Variants in NKIRAS1 observed in about 807,000 individuals in gnomAD.
The protein encoded by NKIRAS1 is NFKB inhibitor interacting Ras like 1.
A neutral mutation model predicts 19.8 loss-of-function variants in NKIRAS1; 16 were observed. The ratio of observed to expected loss-of-function variants is 0.81; its 90% CI spans 0.55 to 1.23. The LOEUF (loss-of-function observed/expected upper bound fraction) is 1.23, where lower values mean the gene tolerates loss of function less well. Ranked by LOEUF, NKIRAS1 falls within the 50% of genes most tolerant of loss-of-function variation. The pLI is 0.00. For missense variants in NKIRAS1, 184 were observed against 220.0 expected, an observed-to-expected ratio of 0.84 and a Z score of 1.04; for synonymous variants, 88 against 79.0, an observed-to-expected ratio of 1.11 and a Z score of -0.61.
chr3:23,930,891 A>C (rs886126834), intron 1 of NKIRAS1, among the ~76,000 whole-genome samples: 48 of 133,652 alleles, frequency 3.6e-4, no homozygotes, highest in African/African-American at 1.4e-3. Context: ...TTTTTTGTAG[A>C]GACAGAATTT....
At chr3:23,945,947 C>G (rs1415135534) in intron 1 of NKIRAS1, among the ~76,000 whole-genome samples, 1 of 149,926 alleles carries the variant, frequency 6.7e-6, no homozygotes, top group East Asian at 2.0e-4. Context: ...GGCGCTGAGG[C>G]GGCGGCGGCG....
upstream of NKIRAS1, chr3:23,919,720 G>A: frequency 7.3e-7 from 1 of 1,360,802 alleles, no homozygotes; most frequent in East Asian, 2.8e-5. Flanking sequence ...ATCTTATTAG[G>A]GAGTTGTATG....
At chr3:23,903,444 A>T (rs1702713887) in intron 3 of NKIRAS1, among the ~76,000 whole-genome samples, 1 of 152,116 alleles carries the variant, frequency 6.6e-6, no homozygotes, top group Non-Finnish European at 1.5e-5. Flanking sequence ...ATGAACAGAT[A>T]ACCAAGGTTT....
intron 1 of NKIRAS1, among the ~76,000 whole-genome samples, chr3:23,937,860 C>T (rs1347253547): frequency 6.6e-6 from 1 of 152,046 alleles, no homozygotes; most frequent in African/African-American, 2.4e-5. Context: ...TTTATATATA[C>T]ATTATCGTGT....
chr3:23,919,327 C>T (rs768075641), upstream of NKIRAS1: 30 of 1,603,228 alleles, frequency 1.9e-5, no homozygotes, highest in Non-Finnish European at 2.5e-5. Flanking sequence ...GAAATCCTGA[C>T]ACCCAGTGGA....
chr3:23,941,989 T>C, intron 1 of NKIRAS1, among the ~76,000 whole-genome samples: 1 of 62,274 alleles, frequency 1.6e-5, no homozygotes, highest in South Asian at 5.4e-4. Context: ...ATTTATTTAT[T>C]TATTTTTGAG....
chr3:23,921,136 A>G (rs1455890691), upstream of NKIRAS1, among the ~76,000 whole-genome samples: 1 of 152,200 alleles, frequency 6.6e-6, no homozygotes, highest in Non-Finnish European at 1.5e-5. Context: ...CCTAAAAACA[A>G]AAAAAATCCT....
intron 3 of NKIRAS1, among the ~76,000 whole-genome samples, chr3:23,910,156 C>CTTTTT (rs34240932): frequency 1.0e-5 from 1 of 96,556 alleles, no homozygotes; most frequent in Non-Finnish European, 2.0e-5. Flanking sequence ...TGCGCTCGGC[C>CTTTTT]TTTTTTTTTT....
At chr3:23,945,136 G>A (rs528459990) in intron 1 of NKIRAS1, 2 of 149,946 alleles carry the variant, frequency 1.3e-5, no homozygotes, top group East Asian at 4.0e-4. Flanking sequence ...GGGGAGAAGG[G>A]GGAAGCGCAG....
chr3:23,893,273 A>C lies in NKIRAS1; in HGVS notation c.401T>G (p.Val134Gly), dbSNP rs1701611318. ...LSEQRQVDAE[V>G]AQQWAKSEKV... ...CTCACTTTTTGCCCACTGCTGTGCC[A>C]CTTCAGCGTCCACTTGTCTCTGCTC... is the stretch of plus-strand genomic sequence containing the variant. The change falls in exon 5 of 5, where the codon GTG becomes GGG. Residue 134 changes from valine (V) to glycine (G), a missense_variant. Coordinates refer to ENST00000425478, the MANE Select transcript of NKIRAS1 (RefSeq NM_020345.4). The C allele has an allele frequency of 6.2e-7, 1 of 1,614,064 alleles. No homozygotes were observed. The highest frequency in any genetic ancestry group is 8.5e-7 in the Non-Finnish European group (1 of 1,179,956).
chr3:23,917,695 G>A, upstream of NKIRAS1: 3 of 702,576 alleles, frequency 4.3e-6, no homozygotes, highest in East Asian at 2.9e-5. Context: ...TGGGCGCAGT[G>A]GTGGGGGTTG....
At chr3:23,893,625 G>A (rs574648888) in intron 4 of NKIRAS1, among the ~76,000 whole-genome samples, 3 of 151,874 alleles carry the variant, frequency 2.0e-5, no homozygotes, top group Admixed American at 6.6e-5. Flanking sequence ...TGGCCAACAC[G>A]GTGAAACCCC....
At chr3:23,907,383 T>TG (rs1007334213) in intron 3 of NKIRAS1, among the ~76,000 whole-genome samples, 36 of 152,018 alleles carry the variant, frequency 2.4e-4, no homozygotes, top group African/African-American at 8.7e-4. Flanking sequence ...TGTCAACTGA[T>TG]GGGGGGGCGG....
At chr3:23,918,364 A>AT, upstream of NKIRAS1, 1 of 1,499,762 alleles carries the variant, frequency 6.7e-7, no homozygotes, top group Non-Finnish European at 9.0e-7. Context: ...TTGGTGGAGT[A>AT]TTAGTGACAA....
intron 1 of NKIRAS1, among the ~76,000 whole-genome samples, chr3:23,941,734 A>C (rs1705501154): frequency 6.6e-6 from 1 of 152,156 alleles, no homozygotes; most frequent in Non-Finnish European, 1.5e-5. Flanking sequence ...GTGGCTGGTG[A>C]CTGACTTGGG....
chr3:23,940,303 C>A (rs1388945173), intron 1 of NKIRAS1, among the ~76,000 whole-genome samples: 5 of 151,652 alleles, frequency 3.3e-5, no homozygotes, highest in South Asian at 2.1e-4. Flanking sequence ...TATATGATTG[C>A]ACCACTGTAC....
intron 3 of NKIRAS1, among the ~76,000 whole-genome samples, chr3:23,904,151 GAAAA>G (rs1031007716): frequency 6.6e-6 from 1 of 151,900 alleles, no homozygotes; most frequent in Non-Finnish European, 1.5e-5. Flanking sequence ...AGTAAAAAAA[GAAAA>G]AGAAAGAAAA....
rs965169958 is a variant in NKIRAS1 at position 23,892,294 on chromosome 3, A to T, written c.*801T>A. The T allele has an allele frequency of 1.3e-5, 2 of 152,216 alleles. No individual in the cohort carries two copies. The highest frequency in any genetic ancestry group is 4.8e-5 in the African/African-American group (2 of 41,460). The allele number at this position is 152,216 out of a possible 1,614,324, so 9.4% of individuals were successfully genotyped here. ...ATCAAATTAGAGCCCAATATTTTTG[A>T]TACTTTTATTGTATATGACTAGTTT... On this transcript the variant is annotated 3_prime_UTR_variant, in exon 5 of 5. Transcript: ENST00000425478.
chr3:23,916,925 T>G lies in NKIRAS1; in HGVS notation c.-281A>C, dbSNP rs1012077260. The G allele has an allele frequency of 6.6e-6, 1 of 152,590 alleles. No individual in the cohort carries two copies. Among genetic ancestry groups the G allele is most frequent in the African/African-American group, 2.4e-5 (1 of 41,448 alleles). The allele number at this position is 152,590 out of a possible 1,614,324, so 9.5% of individuals were successfully genotyped here. A position where few individuals can be genotyped will look rare whatever the true frequency, so the allele number is the denominator to read the frequency against. On this transcript the variant is annotated 5_prime_UTR_variant, in exon 1 of 5. Transcript: ENST00000425478. ...TAGCCGCCGAGACCTCGCCGCCAAC[T>G]CTCTCACCTCTCGAGACGCCCAGGC...
Sources: allele counts gnomAD v4.1 joint callset (sites outside exome capture counted in the v4.1 genomes callset), GRCh38; gene constraint gnomAD v4.1.1; transcripts MANE v1.5; gene names NCBI Gene and HGNC (gene_info 2026-07-23, HGNC 2026-07-21).